PTPRM: variants seen among roughly 807,000 people sequenced by gnomAD.
PTPRM encodes receptor-type tyrosine-protein phosphatase mu.
In PTPRM, 47 loss-of-function variants were observed where a neutral mutation model predicts 186.7. The ratio of observed to expected loss-of-function variants is 0.25; its 90% CI spans 0.20 to 0.32. The LOEUF (loss-of-function observed/expected upper bound fraction) is 0.32, where lower values mean the gene tolerates loss of function less well. Ranked by LOEUF, PTPRM falls within the 10% of genes least tolerant of loss-of-function variation. The pLI is 1.00. For missense variants in PTPRM, 1,494 were observed against 1,865.0 expected (o/e 0.80, Z 3.66); for synonymous variants, 668 against 674.9 (o/e 0.99, Z 0.16).
At chr18:8,112,261 G>A (rs981591040) in intron 11 of PTPRM, among the ~76,000 whole-genome samples, 4 of 152,224 alleles carry the variant, frequency 2.6e-5, no homozygotes, top group African/African-American at 9.6e-5. Flanking sequence ...CGAAATGGCA[G>A]CACACATTTT....
rs574807568 is a variant in PTPRM at position 7,787,729 on chromosome 18, T to G, written c.196+13458T>G. On this transcript the variant is annotated intron_variant, in intron 2 of 32. Coordinates refer to ENST00000580170, the MANE Select transcript of PTPRM (RefSeq NM_001105244.2). ...CCACTGAGATTTTGGAGTTGTTGAA[T>G]GGTTCTCTAACTCTTTGGTCTTAGG... is the stretch of plus-strand genomic sequence containing the variant. Among the ~76,000 whole-genome samples, 33 of 152,382 alleles carry G rather than the reference T, an allele frequency of 2.2e-4. 1 individual carries two copies. The highest frequency in any genetic ancestry group is 1.6e-3 in the Admixed American group (24 of 15,306).
chr18:8,247,107 G>GT (rs34228064), intron 15 of PTPRM, among the ~76,000 whole-genome samples: 6 of 151,756 alleles, frequency 4.0e-5, no homozygotes, highest in East Asian at 3.9e-4. Context: ...ATTTGAAGAG[G>GT]TTTTTTTTTA....
chr18:8,288,434 G>C (rs1339973305), intron 19 of PTPRM, among the ~76,000 whole-genome samples: 1 of 152,182 alleles, frequency 6.6e-6, no homozygotes, highest in African/African-American at 2.4e-5. Context: ...GAAAAGAGTA[G>C]TGCCGGCCAA....
chr18:7,976,201 C>A (rs890524547), intron 7 of PTPRM, among the ~76,000 whole-genome samples: 7 of 151,978 alleles, frequency 4.6e-5, no homozygotes, highest in African/African-American at 1.7e-4. Context: ...AAAAAAAGAA[C>A]GTTTCTCTGT....
intron 4 of PTPRM, among the ~76,000 whole-genome samples, chr18:7,908,638 C>T (rs2146582111): frequency 6.6e-6 from 1 of 152,274 alleles, no homozygotes. Context: ...TTGTTCATTA[C>T]AAAGGCAGAT....
chr18:7,630,024 G>T (rs1473963108), intron 1 of PTPRM, among the ~76,000 whole-genome samples: 1 of 152,124 alleles, frequency 6.6e-6, no homozygotes, highest in East Asian at 1.9e-4. Context: ...TCAGGGTGGA[G>T]AGGGATGCCA....
chr18:8,285,846 G>T (rs911995911), intron 19 of PTPRM, among the ~76,000 whole-genome samples: 6 of 151,998 alleles, frequency 3.9e-5, no homozygotes, highest in African/African-American at 1.5e-4. Flanking sequence ...ACAAAAATTA[G>T]CTGGGCATGG....
intron 1 of PTPRM, among the ~76,000 whole-genome samples, chr18:7,666,051 C>T (rs1445306349): frequency 6.6e-6 from 1 of 152,134 alleles, no homozygotes. Flanking sequence ...AGGAGAAAGA[C>T]ATGCCATCAT....
chr18:7,877,295 A>T (rs2048294260), intron 2 of PTPRM, among the ~76,000 whole-genome samples: 1 of 152,186 alleles, frequency 6.6e-6, no homozygotes, highest in Non-Finnish European at 1.5e-5. Flanking sequence ...TTATATTTGA[A>T]AATTCATGTT....
At chr18:7,826,465 A>C (rs1197400180) in intron 2 of PTPRM, among the ~76,000 whole-genome samples, 2 of 152,242 alleles carry the variant, frequency 1.3e-5, no homozygotes, top group African/African-American at 2.4e-5. Context: ...TGGGATGTCA[A>C]GCATTGTTAA....
intron 13 of PTPRM, among the ~76,000 whole-genome samples, chr18:8,131,304 G>A (rs1022456879): frequency 6.6e-6 from 1 of 152,188 alleles, no homozygotes; most frequent in Non-Finnish European, 1.5e-5. Flanking sequence ...GTCTCCCACT[G>A]ATGATATTTT....
intron 26 of PTPRM, 74 bp downstream of exon 26, chr18:8,376,671 A>G: frequency 2.0e-6 from 3 of 1,482,334 alleles, no homozygotes; most frequent in South Asian, 1.3e-5. Flanking sequence ...TTCAGGGCCA[A>G]GGGCACAAGG....
intron 23 of PTPRM, among the ~76,000 whole-genome samples, chr18:8,362,284 C>CT (rs1481786192): frequency 6.6e-6 from 1 of 152,192 alleles, no homozygotes; most frequent in Non-Finnish European, 1.5e-5. Flanking sequence ...GCTGCCTCAG[C>CT]TGCAGAGAGC....
chr18:8,129,025 T>A (rs2092440589), intron 13 of PTPRM, among the ~76,000 whole-genome samples: 2 of 152,156 alleles, frequency 1.3e-5, no homozygotes, highest in Non-Finnish European at 1.5e-5. Flanking sequence ...AATTTTGACG[T>A]TAATTTGGTG....
intron 1 of PTPRM, among the ~76,000 whole-genome samples, chr18:7,598,515 T>G (rs1160503406): frequency 1.3e-5 from 2 of 152,228 alleles, no homozygotes; most frequent in Non-Finnish European, 2.9e-5. Flanking sequence ...GGACAGAAAT[T>G]AGGTACTCAG....
chr18:7,687,966 CAG>C (rs1413017050), intron 1 of PTPRM, among the ~76,000 whole-genome samples: 1 of 151,906 alleles, frequency 6.6e-6, no homozygotes, highest in Non-Finnish European at 1.5e-5. Flanking sequence ...TTAGTAGAGA[CAG>C]GGTTTCACCA....
intron 1 of PTPRM, among the ~76,000 whole-genome samples, chr18:7,584,261 A>G (rs1418823804): frequency 1.3e-5 from 2 of 152,224 alleles, no homozygotes; most frequent in African/African-American, 4.8e-5. Context: ...AAAATTATTT[A>G]TGAAGTAATG....
chr18:8,348,947 C>T (rs77931267), intron 23 of PTPRM, among the ~76,000 whole-genome samples: 1 of 152,118 alleles, frequency 6.6e-6, no homozygotes, highest in South Asian at 2.1e-4. Flanking sequence ...ACCTCTATCA[C>T]AGTAGGGGAT....
chr18:8,092,593 A>G (rs1180182622), intron 11 of PTPRM, among the ~76,000 whole-genome samples: 1 of 152,028 alleles, frequency 6.6e-6, no homozygotes, highest in Non-Finnish European at 1.5e-5. Context: ...CAAGGAGCAT[A>G]TTCACCAATA....
Sources: allele counts gnomAD v4.1 joint callset (sites outside exome capture counted in the v4.1 genomes callset), GRCh38; gene constraint gnomAD v4.1.1; transcripts MANE v1.5; gene names NCBI Gene and HGNC (gene_info 2026-07-23, HGNC 2026-07-21).